Variants in NEK1 observed in about 807,000 individuals in gnomAD.
NEK1 encodes the protein NIMA related kinase 1, also known as serine/threonine-protein kinase Nek1.
In NEK1, 137 loss-of-function variants were observed where a neutral mutation model predicts 182.1. The observed-to-expected ratio is 0.75, with a 90% CI of 0.65 to 0.87. The LOEUF is 0.87. NEK1 is among the 40% of genes least tolerant of loss of function. The probability of loss-of-function intolerance (pLI) is 0.00; values close to 1 mark genes in which losing one functional copy is unlikely to be tolerated. For missense variants in NEK1, 1,391 were observed against 1,494.4 expected (o/e 0.93, Z 1.14); for synonymous variants, 513 against 492.2 (o/e 1.04, Z -0.56).
chr4:169,612,205 A>G lies in NEK1; in HGVS notation c.-173+17T>C, dbSNP rs1426041780. 1.3e-5 allele frequency: 2 copies of G among 152,364 alleles called. No individual in the cohort carries two copies. The highest frequency in any genetic ancestry group is 4.8e-5 in the African/African-American group (2 of 41,454). The allele number at this position is 152,364 out of a possible 1,614,324, so 9.4% of individuals were successfully genotyped here. A position where few individuals can be genotyped will look rare whatever the true frequency, so the allele number is the denominator to read the frequency against. On this transcript the variant is annotated intron_variant, in intron 1 of 35. Transcript: ENST00000507142. Reference sequence around the variant, plus strand: ...CTCACAGTCCAGACTGAAAGGGGGCACTGAGACTCTCCACACCTGACACTC... The same window carrying G: ...CTCACAGTCCAGACTGAAAGGGGGCGCTGAGACTCTCCACACCTGACACTC...
intron 10 of NEK1, among the ~76,000 whole-genome samples, chr4:169,584,034 GTTAACAGTTAT>G (rs953013387): frequency 5.3e-5 from 8 of 152,102 alleles, no homozygotes; most frequent in African/African-American, 1.9e-4. Flanking sequence ...TACTGAAGAG[GTTAACAGTTAT>G]TTAACAAAGA....
At chr4:169,598,725 C>T (rs1002290089) in intron 5 of NEK1, among the ~76,000 whole-genome samples, 5 of 152,038 alleles carry the variant, frequency 3.3e-5, no homozygotes, top group Non-Finnish European at 7.4e-5. Flanking sequence ...ATGCAGTTGT[C>T]GGTGCAAGGC....
chr4:169,594,056 C>A (rs531566311), intron 5 of NEK1, among the ~76,000 whole-genome samples: 2 of 151,636 alleles, frequency 1.3e-5, no homozygotes, highest in East Asian at 3.9e-4. Flanking sequence ...CACATTAGTT[C>A]CATATTAATA....
At chr4:169,531,790 A>G (rs1414949007) in intron 19 of NEK1, among the ~76,000 whole-genome samples, 1 of 152,230 alleles carries the variant, frequency 6.6e-6, no homozygotes, top group African/African-American at 2.4e-5. Flanking sequence ...TAGGGAAGAC[A>G]GGCTAGCCAA....
chr4:169,562,157 C>A lies in NEK1; in HGVS notation c.1060G>T (p.Glu354Ter), dbSNP rs867671301. Reference sequence around the variant, plus strand: ...TATACCTCAGATATTTTCCTCCTTTCTTCTCCAGTATTCACTCTCTTCTCT... The same window carrying A: ...TATACCTCAGATATTTTCCTCCTTTATTCTCCAGTATTCACTCTCTTCTCT... ...TPEKRVNTGEERRKISEEAAR... is the reference protein window; with the variant it reads ...TPEKRVNTGE The change falls in exon 13 of 36, where the codon GAA becomes TAA. Residue 354 changes from glutamate (E) to a stop codon, truncating the protein, a stop_gained. Coordinates refer to ENST00000507142, the MANE Select transcript of NEK1 (RefSeq NM_001199397.3). LOFTEE classifies it high-confidence loss of function. 6.5e-7 allele frequency: 1 copy of A among 1,546,926 alleles called. No homozygotes were observed. The highest frequency in any genetic ancestry group is 8.7e-7 in the Non-Finnish European group (1 of 1,143,330).
intron 19 of NEK1, among the ~76,000 whole-genome samples, chr4:169,518,454 C>A (rs1755495932): frequency 1.5e-5 from 2 of 133,672 alleles, no homozygotes; most frequent in African/African-American, 3.3e-5. Context: ...TTCAAAAAAC[C>A]AGCTCCTGGA....
chr4:169,563,631 A>G (rs1281060931), intron 12 of NEK1, among the ~76,000 whole-genome samples: 1 of 152,194 alleles, frequency 6.6e-6, no homozygotes, highest in Non-Finnish European at 1.5e-5. Flanking sequence ...TAATTTAACG[A>G]TGGCAATGAC....
intron 31 of NEK1, among the ~76,000 whole-genome samples, chr4:169,419,010 T>C (rs1735007465): frequency 6.6e-6 from 1 of 152,072 alleles, no homozygotes; most frequent in African/African-American, 2.4e-5. Flanking sequence ...CATTGTAGTG[T>C]CATAGTTTAA....
intron 4 of NEK1, among the ~76,000 whole-genome samples, chr4:169,600,624 G>A (rs1770321860): frequency 6.6e-6 from 1 of 151,988 alleles, no homozygotes. Context: ...AGCTAATTAA[G>A]AATCTGTATG....
chr4:169,459,267 G>A (rs1169105658), intron 27 of NEK1, among the ~76,000 whole-genome samples: 1 of 152,138 alleles, frequency 6.6e-6, no homozygotes, highest in East Asian at 1.9e-4. Context: ...GCAGCATATA[G>A]TAAGAATCAT....
intron 19 of NEK1, among the ~76,000 whole-genome samples, chr4:169,509,741 T>C (rs534103495): frequency 6.0e-4 from 92 of 152,244 alleles, no homozygotes; most frequent in African/African-American, 2.1e-3. Flanking sequence ...TGTCATAACA[T>C]AATACATACT....
chr4:169,602,231 G>C, intron 3 of NEK1, 127 bp from the exon 4 acceptor site: 1 of 694,152 alleles, frequency 1.4e-6, no homozygotes, highest in East Asian at 2.6e-5. Flanking sequence ...ATAGCAAGAA[G>C]TTAAAAAGAA....
intron 31 of NEK1, among the ~76,000 whole-genome samples, chr4:169,409,223 C>A (rs1733198333): frequency 6.6e-6 from 1 of 152,080 alleles, no homozygotes; most frequent in African/African-American, 2.4e-5. Context: ...CGGCTCACTG[C>A]AAGCTCCGCC....
intron 23 of NEK1, 29 bp downstream of exon 23, chr4:169,507,008 C>A: frequency 6.8e-7 from 1 of 1,469,104 alleles, no homozygotes. Context: ...TTAATACAAC[C>A]AGGATTAAGA....
intron 4 of NEK1, among the ~76,000 whole-genome samples, chr4:169,601,239 T>C (rs1770443798): frequency 6.6e-6 from 1 of 152,222 alleles, no homozygotes; most frequent in South Asian, 2.1e-4. Flanking sequence ...ATTCAGACTC[T>C]GAAACTGGTA....
chr4:169,513,903 C>G (rs1442815240), intron 19 of NEK1, among the ~76,000 whole-genome samples: 1 of 151,876 alleles, frequency 6.6e-6, no homozygotes, highest in African/African-American at 2.4e-5. Flanking sequence ...ACTTGTACAT[C>G]TAGACTAAAT....
chr4:169,447,034 A>G (rs1010297181), intron 27 of NEK1, among the ~76,000 whole-genome samples: 4 of 152,192 alleles, frequency 2.6e-5, no homozygotes, highest in Non-Finnish European at 5.9e-5. Flanking sequence ...TCAAAGGGAT[A>G]ATGTCAGAGA....
chr4:169,423,941 A>G (rs1561161427), intron 31 of NEK1, among the ~76,000 whole-genome samples: 2 of 152,212 alleles, frequency 1.3e-5, no homozygotes, highest in Non-Finnish European at 2.9e-5. Flanking sequence ...TATATTGAAT[A>G]GAAAAGGTTA....
At chr4:169,503,301 T>C (rs1752706694) in intron 23 of NEK1, among the ~76,000 whole-genome samples, 1 of 152,050 alleles carries the variant, frequency 6.6e-6, no homozygotes, top group Admixed American at 6.6e-5. Flanking sequence ...CCATACTGCC[T>C]GAAGTAATCT....
Sources: gnomAD v4.1 joint callset for allele counts (sites outside exome capture counted in the v4.1 genomes callset) on GRCh38, gnomAD v4.1.1 for gene constraint, MANE v1.5 for transcripts, NCBI Gene and HGNC (gene_info 2026-07-23, HGNC 2026-07-21) for gene names.